Variants in LNX2 observed in about 807,000 individuals in gnomAD.
LNX2 encodes the protein ligand of numb-protein X 2.
Under a neutral mutation model 66.2 loss-of-function variants are expected in LNX2, and 35 were observed. The observed-to-expected ratio is 0.53, with a 90% CI of 0.40 to 0.70. The LOEUF is 0.70. LNX2 is among the 30% of genes least tolerant of loss of function. The pLI, the probability that LNX2 is intolerant of heterozygous loss-of-function variation, is 0.00. For missense variants in LNX2, 791 were observed against 850.8 expected, an observed-to-expected ratio of 0.93 and a Z score of 0.87; for synonymous variants, 337 against 315.6, an observed-to-expected ratio of 1.07 and a Z score of -0.72.
At chr13:27,568,906 T>G in intron 3 of LNX2, 123 bp downstream of exon 3, 2 of 1,061,798 alleles carry the variant, frequency 1.9e-6, no homozygotes, top group South Asian at 3.9e-5. Context: ...ATGAAGTTTC[T>G]TTTATTTCTG....
intron 1 of LNX2, among the ~76,000 whole-genome samples, chr13:27,617,211 G>C (rs886878752): frequency 2.6e-5 from 4 of 152,196 alleles, no homozygotes; most frequent in Non-Finnish European, 5.9e-5. Context: ...GATGTCTTTT[G>C]TAAGACTCTC....
At chr13:27,599,202 T>C (rs7985304) in intron 1 of LNX2, among the ~76,000 whole-genome samples, 3,886 of 152,258 alleles carry the variant, frequency 0.026, 196 homozygotes, top group African/African-American at 0.088. Flanking sequence ...TTCATTTATA[T>C]TTGTCATGGG....
At chr13:27,607,665 T>C (rs921392413) in intron 1 of LNX2, among the ~76,000 whole-genome samples, 2 of 152,200 alleles carry the variant, frequency 1.3e-5, no homozygotes, top group Non-Finnish European at 2.9e-5. Flanking sequence ...AACTCCTAGC[T>C]TCCTGAAAGT....
At chr13:27,553,157 G>C (rs779042187) in intron 8 of LNX2, 51 bp downstream of exon 8, 4 of 1,470,152 alleles carry the variant, frequency 2.7e-6, no homozygotes, top group Non-Finnish European at 3.8e-6. Flanking sequence ...ACTGATAAGG[G>C]CTGCAAGCAT....
intron 2 of LNX2, among the ~76,000 whole-genome samples, chr13:27,576,616 C>T (rs1955342792): frequency 6.6e-6 from 1 of 151,524 alleles, no homozygotes; most frequent in South Asian, 2.1e-4. Flanking sequence ...GTCCCAGCTA[C>T]TCGGATGCTG....
chr13:27,576,634 A>G (rs1955342999), intron 2 of LNX2, among the ~76,000 whole-genome samples: 3 of 152,104 alleles, frequency 2.0e-5, no homozygotes, highest in Non-Finnish European at 2.9e-5. Flanking sequence ...CTGAGGCACA[A>G]GAGTCACTTG....
rs556017780 is a variant in LNX2 at position 27,596,590 on chromosome 13, CT to C, written c.-100-14788del. Among the ~76,000 whole-genome samples the C allele has an allele frequency of 1.2e-4, 19 of 152,296 alleles. No homozygotes were observed. In the South Asian group the frequency reaches 1.4e-3, roughly 12 times the overall value. On this transcript the variant is annotated intron_variant, in intron 1 of 9. Transcript: ENST00000316334. ...TTTTGTTATTTTCTTAACTTTTTCT[CT>C]TTTTCTTCATTCTTCCCTTCCTCCG...
intron 1 of LNX2, among the ~76,000 whole-genome samples, chr13:27,606,384 A>G (rs540634264): frequency 5.6e-4 from 85 of 151,722 alleles, no homozygotes; most frequent in African/African-American, 1.8e-3. Flanking sequence ...TAGCGAAAAA[A>G]AAAAAAAGAG....
At chr13:27,576,973 C>A (rs186060364) in intron 2 of LNX2, among the ~76,000 whole-genome samples, 3 of 152,120 alleles carry the variant, frequency 2.0e-5, no homozygotes, top group Admixed American at 2.0e-4. Flanking sequence ...GATATTTGTT[C>A]TTTAAAGGAT....
chr13:27,581,362 A>G lies in LNX2; in HGVS notation c.342T>C (p.Cys114=), dbSNP rs374272524. 1.0e-5 allele frequency: 16 copies of G among 1,573,416 alleles called. No homozygotes were observed. The highest frequency in any genetic ancestry group is 1.4e-5 in the Non-Finnish European group (16 of 1,156,090). The change falls in exon 2 of 10, where the codon TGT becomes TGC. Residue 114 remains cysteine (C), a synonymous_variant. Coordinates refer to ENST00000316334, the MANE Select transcript of LNX2 (RefSeq NM_153371.4). ...HKLLDKLLVL[C]PFSSVCKDVM... ...CATCTTTGCACACTGAAGAAAATGG[A>G]CATAAAACTAATAATTTGTCTAGGA...
intron 7 of LNX2, among the ~76,000 whole-genome samples, chr13:27,553,729 T>C (rs998158682): frequency 6.6e-6 from 1 of 152,330 alleles, no homozygotes; most frequent in African/African-American, 2.4e-5. Context: ...TGAGTTTAGC[T>C]GTGTACAGGC....
intron 1 of LNX2, among the ~76,000 whole-genome samples, chr13:27,593,667 A>C (rs1436785282): frequency 6.8e-6 from 1 of 147,854 alleles, no homozygotes; most frequent in Non-Finnish European, 1.5e-5. Context: ...TCCTGGGTTC[A>C]AGCGATTCTC....
chr13:27,586,114 TACGTATATATATACAC>T (rs1955483910), intron 1 of LNX2, among the ~76,000 whole-genome samples: 1 of 149,580 alleles, frequency 6.7e-6, no homozygotes, highest in Non-Finnish European at 1.5e-5. Flanking sequence ...CAGATATATA[TACGTATATATATACAC>T]ACATACACAT....
At chr13:27,577,397 T>C (rs1955351194) in intron 2 of LNX2, among the ~76,000 whole-genome samples, 1 of 152,190 alleles carries the variant, frequency 6.6e-6, no homozygotes, top group African/African-American at 2.4e-5. Context: ...CCTCAGCCTA[T>C]CCTGATCCCT....
intron 2 of LNX2, among the ~76,000 whole-genome samples, chr13:27,572,170 G>A (rs992574724): frequency 4.6e-5 from 7 of 152,132 alleles, no homozygotes; most frequent in African/African-American, 9.7e-5. Flanking sequence ...ATCACAGAAC[G>A]TTGGGGCTAG....
chr13:27,586,001 CT>C (rs10556826), intron 1 of LNX2, among the ~76,000 whole-genome samples: 3 of 104,668 alleles, frequency 2.9e-5, no homozygotes, highest in African/African-American at 9.9e-5. Flanking sequence ...TATATATACA[CT>C]TATATATATA....
chr13:27,615,661 C>A (rs747266998), intron 1 of LNX2, among the ~76,000 whole-genome samples: 4 of 152,130 alleles, frequency 2.6e-5, no homozygotes, highest in African/African-American at 9.7e-5. Context: ...AGACACTTAG[C>A]GCTTTGCAGA....
At chr13:27,596,711 G>A (rs1316777002) in intron 1 of LNX2, among the ~76,000 whole-genome samples, 2 of 151,924 alleles carry the variant, frequency 1.3e-5, no homozygotes, top group African/African-American at 4.8e-5. Context: ...TCTCAATCAA[G>A]TGATCTGCAC....
At chr13:27,600,324 A>G (rs1447729650) in intron 1 of LNX2, among the ~76,000 whole-genome samples, 3 of 152,218 alleles carry the variant, frequency 2.0e-5, no homozygotes, top group Non-Finnish European at 4.4e-5. Flanking sequence ...ACCCAATGCC[A>G]ACAAAAGGCT....
Sources: allele counts gnomAD v4.1 joint callset (sites outside exome capture counted in the v4.1 genomes callset), GRCh38; gene constraint gnomAD v4.1.1; transcripts MANE v1.5; gene names NCBI Gene and HGNC (gene_info 2026-07-23, HGNC 2026-07-21).